Variants in MARCHF8 observed in about 807,000 individuals in gnomAD.
MARCHF8 encodes the protein membrane associated ring-CH-type finger 8.
Under a neutral mutation model 51.6 loss-of-function variants are expected in MARCHF8, and 40 were observed. The ratio of observed to expected loss-of-function variants is 0.77; its 90% CI spans 0.60 to 1.01. The LOEUF (loss-of-function observed/expected upper bound fraction) is 1.01, where lower values mean the gene tolerates loss of function less well. MARCHF8 is among the 50% of genes least tolerant of loss of function. MARCHF8 has a pLI of 0.00. For synonymous variants in MARCHF8, 263 were observed against 280.3 expected (o/e 0.94, Z 0.62); for missense variants, 685 against 708.6 (o/e 0.97, Z 0.38).
At position 45,456,322 on chromosome 10, in the gene MARCHF8, AG is replaced by A. The variant is rs1431562708; in HGVS notation, c.*1916del. On this transcript the variant is annotated 3_prime_UTR_variant, in exon 8 of 8. Transcript: ENST00000453424. The stretch of plus-strand genomic sequence containing the variant: ...ATGTGCCCTGGGAGACAGAAAGGAG[AG>A]GCTGACCTATTCTCAGGAGCTGGCT... 1.2e-4 allele frequency: 19 copies of A among 152,426 alleles called. No homozygotes were observed. The highest frequency in any genetic ancestry group is 2.2e-4 in the Non-Finnish European group (15 of 68,276). 9.4% of individuals were successfully genotyped at this position (152,426 alleles called of 1,614,324 possible). A position where few individuals can be genotyped will look rare whatever the true frequency, so the allele number is the denominator to read the frequency against.
chr10:45,546,553 G>A lies in MARCHF8; in HGVS notation c.-78-13264C>T, dbSNP rs548781264. 1.6e-4 allele frequency among the ~76,000 whole-genome samples: 25 copies of A among 152,146 alleles called. No individual in the cohort carries two copies. The South Asian group carries it at 1.7e-3, about 10-fold the overall frequency. On this transcript the variant is annotated intron_variant, in intron 1 of 6. Coordinates refer to the MARCHF8 transcript ENST00000319836. ...TCCTGGCACTTTAGGAAGCCAAGGC[G>A]AGTGGATCACTTAAGCTCCGGAGTT...
intron 1 of MARCHF8, among the ~76,000 whole-genome samples, chr10:45,557,483 G>A (rs971321347): frequency 4.6e-5 from 7 of 151,948 alleles, no homozygotes; most frequent in Admixed American, 1.3e-4. Context: ...ATCCTACACA[G>A]ACCTCTAGCT....
At chr10:45,538,155 C>T (rs796402442), upstream of MARCHF8, among the ~76,000 whole-genome samples, 1 of 152,088 alleles carries the variant, frequency 6.6e-6, no homozygotes, top group Non-Finnish European at 1.5e-5. Context: ...AGAGTGGGGG[C>T]CAATATTCAA....
chr10:45,509,157 G>A (rs980713576), intron 2 of MARCHF8, among the ~76,000 whole-genome samples: 4 of 152,180 alleles, frequency 2.6e-5, no homozygotes, highest in Non-Finnish European at 4.4e-5. Context: ...AGTGGCCTAA[G>A]TCAGAATTTC....
chr10:45,474,473 A>G (rs748345598), intron 3 of MARCHF8, among the ~76,000 whole-genome samples: 9 of 150,680 alleles, frequency 6.0e-5, no homozygotes, highest in Non-Finnish European at 1.0e-4. Context: ...TCTCTACCAC[A>G]CAGCCTCCTG....
intron 2 of MARCHF8, among the ~76,000 whole-genome samples, chr10:45,508,333 TAAA>T (rs35317640): frequency 1.1e-4 from 10 of 94,908 alleles, no homozygotes; most frequent in Non-Finnish European, 8.9e-5. Flanking sequence ...TCTTTCACAG[TAAA>T]AAAAAAAAAA....
rs1309424002 is a variant in MARCHF8 at position 45,463,695 on chromosome 10, C to T, written c.544G>A (p.Gly182Arg). The change falls in exon 5 of 8, where the codon GGG (glycine) becomes AGG (arginine). Residue 182 changes from glycine (G) to arginine (R), a missense_variant. By Grantham distance (125) the Gly-to-Arg change is moderately radical. Coordinates refer to ENST00000453424, the MANE Select transcript of MARCHF8 (RefSeq NM_001282866.2). The part of the protein sequence containing the change: ...FAYVERTCSE[G>R]KLILPQDTCL... ...GTATCTTGAGGGAGTATTAATTTCC[C>T]TTCAGAACAAGTTCTTTCCACATAG... 1 of 1,550,944 alleles carries T rather than the reference C, an allele frequency of 6.4e-7. No homozygotes were observed. The highest frequency in any genetic ancestry group is 2.0e-5 in the Admixed American group (1 of 51,014).
intron 1 of MARCHF8, among the ~76,000 whole-genome samples, chr10:45,568,848 C>T (rs1249124813): frequency 6.6e-6 from 1 of 151,542 alleles, no homozygotes; most frequent in Non-Finnish European, 1.5e-5. Context: ...GCAGGTGGAT[C>T]ACGAGGTCAG....
At chr10:45,515,387 GT>G (rs1314354283) in intron 2 of MARCHF8, among the ~76,000 whole-genome samples, 1 of 152,110 alleles carries the variant, frequency 6.6e-6, no homozygotes, top group African/African-American at 2.4e-5. Context: ...TGTCACTAAG[GT>G]AATTTTTCAG....
At chr10:45,535,602 C>T (rs1434317248), upstream of MARCHF8, among the ~76,000 whole-genome samples, 1 of 152,170 alleles carries the variant, frequency 6.6e-6, no homozygotes, top group African/African-American at 2.4e-5. Context: ...GAAACAATCT[C>T]CCTCCTATGC....
At chr10:45,479,932 A>T (rs926108203) in intron 3 of MARCHF8, among the ~76,000 whole-genome samples, 15 of 152,224 alleles carry the variant, frequency 9.9e-5, no homozygotes, top group African/African-American at 3.6e-4. Flanking sequence ...TCAGAAGAAG[A>T]CAGGAAAATG....
intron 1 of MARCHF8, among the ~76,000 whole-genome samples, chr10:45,553,618 TG>T (rs1256366794): frequency 6.6e-6 from 1 of 152,150 alleles, no homozygotes; most frequent in Non-Finnish European, 1.5e-5. Flanking sequence ...ACAATCCAAA[TG>T]TCCATTAATA....
At chr10:45,563,001 G>T (rs1205288722) in intron 1 of MARCHF8, among the ~76,000 whole-genome samples, 3 of 150,500 alleles carry the variant, frequency 2.0e-5, no homozygotes, top group Non-Finnish European at 3.0e-5. Flanking sequence ...CATATATACA[G>T]TCTCTCTCCC....
chr10:45,526,724 A>G (rs185298960), intron 2 of MARCHF8, among the ~76,000 whole-genome samples: 81 of 152,186 alleles, frequency 5.3e-4, no homozygotes, highest in African/African-American at 1.8e-3. Context: ...AGAAAAAAAA[A>G]GAAAAAAAAA....
chr10:45,569,978 A>G (rs539665632), intron 1 of MARCHF8, among the ~76,000 whole-genome samples: 28 of 152,320 alleles, frequency 1.8e-4, no homozygotes, highest in African/African-American at 6.0e-4. Flanking sequence ...AGTGAAAAGC[A>G]CAACACTTTC....
chr10:45,553,890 T>C (rs939316517), intron 1 of MARCHF8, among the ~76,000 whole-genome samples: 9 of 151,858 alleles, frequency 5.9e-5, no homozygotes, highest in African/African-American at 1.9e-4. Context: ...GGAAAAAAAA[T>C]AGAGGGAACC....
chr10:45,520,089 T>A (rs1452205517), intron 2 of MARCHF8, among the ~76,000 whole-genome samples: 2 of 152,166 alleles, frequency 1.3e-5, no homozygotes, highest in Non-Finnish European at 2.9e-5. Context: ...ATACCCAACC[T>A]TTTTGATTCT....
intron 3 of MARCHF8, among the ~76,000 whole-genome samples, chr10:45,473,307 A>G (rs898082002): frequency 6.6e-6 from 1 of 152,248 alleles, no homozygotes. Flanking sequence ...GATTCTACCC[A>G]GGAATATTTG....
chr10:45,459,074 G>A (rs1349377130), intron 7 of MARCHF8, 46 bp downstream of exon 7: 17 of 1,610,710 alleles, frequency 1.1e-5, no homozygotes, highest in Non-Finnish European at 1.4e-5. Flanking sequence ...ACTCCTGTGA[G>A]CTATCCCGGC....
Sources: allele counts gnomAD v4.1 joint callset (sites outside exome capture counted in the v4.1 genomes callset), GRCh38; gene constraint gnomAD v4.1.1; transcripts MANE v1.5; gene names NCBI Gene and HGNC (gene_info 2026-07-23, HGNC 2026-07-21).